The following CHL1 variants were observed in gnomAD, a reference collection of about 807,000 sequenced individuals.
The protein encoded by CHL1 is neural cell adhesion molecule L1-like protein.
Under a neutral mutation model 141.9 loss-of-function variants are expected in CHL1, and 96 were observed. That is an observed-to-expected ratio of 0.68 (90% CI 0.57 to 0.80). The LOEUF (loss-of-function observed/expected upper bound fraction) is 0.80. CHL1 is among the 30% of genes least tolerant of loss of function. The pLI, the probability that CHL1 is intolerant of heterozygous loss-of-function variation, is 0.00. For missense variants in CHL1, 1,820 were observed against 1,457.2 expected (o/e 1.25, Z -4.05); for synonymous variants, 613 against 502.2 (o/e 1.22, Z -2.95).
At chr3:254,448 T>A (rs113224884) in intron 2 of CHL1, among the ~76,000 whole-genome samples, 81 of 152,318 alleles carry the variant, frequency 5.3e-4, no homozygotes, top group Non-Finnish European at 1.0e-3. Context: ...CAAGGTATGA[T>A]CTGAGAAAGG....
chr3:404,494 T>C (rs1202311406), intron 27 of CHL1, among the ~76,000 whole-genome samples: 1 of 152,152 alleles, frequency 6.6e-6, no homozygotes, highest in Non-Finnish European at 1.5e-5. Flanking sequence ...TAGAAGATCA[T>C]ACCATTTGAT....
At chr3:337,000 G>A (rs73103145) in intron 5 of CHL1, among the ~76,000 whole-genome samples, 1 of 152,028 alleles carries the variant, frequency 6.6e-6, no homozygotes, top group Non-Finnish European at 1.5e-5. Flanking sequence ...CTTGGTGTTA[G>A]TTGTTGCTAG....
chr3:269,579 G>A (rs1015858379), intron 2 of CHL1, among the ~76,000 whole-genome samples: 7 of 152,150 alleles, frequency 4.6e-5, no homozygotes, highest in African/African-American at 1.7e-4. Context: ...AGGCTGGAGT[G>A]CAATGGTATG....
At chr3:251,794 C>T (rs1402313229) in intron 2 of CHL1, among the ~76,000 whole-genome samples, 1 of 152,084 alleles carries the variant, frequency 6.6e-6, no homozygotes, top group Non-Finnish European at 1.5e-5. Flanking sequence ...TTAGAAGTTT[C>T]TATTATCTTA....
At chr3:391,323 T>C (rs1708212189) in intron 22 of CHL1, among the ~76,000 whole-genome samples, 164 bp downstream of exon 22, 1 of 152,128 alleles carries the variant, frequency 6.6e-6, no homozygotes, top group South Asian at 2.1e-4. Flanking sequence ...CCAAACCAGC[T>C]TGGCCAACAT....
chr3:346,954 A>G (rs1702820516), intron 9 of CHL1, among the ~76,000 whole-genome samples: 1 of 151,996 alleles, frequency 6.6e-6, no homozygotes. Flanking sequence ...TAAAATGATT[A>G]TCTATAAGTG....
chr3:233,079 A>G (rs752060583), intron 1 of CHL1, among the ~76,000 whole-genome samples: 18 of 152,034 alleles, frequency 1.2e-4, no homozygotes, highest in Non-Finnish European at 1.5e-4. Flanking sequence ...ATCTGAGGAT[A>G]CAAAGATACC....
intron 2 of CHL1, among the ~76,000 whole-genome samples, chr3:290,192 CTAAA>C (rs1251321418): frequency 1.3e-5 from 2 of 152,110 alleles, no homozygotes; most frequent in East Asian, 3.9e-4. Context: ...ATGAGAAGAA[CTAAA>C]TAGACCATGA....
intron 2 of CHL1, among the ~76,000 whole-genome samples, chr3:273,507 C>T (rs1695821408): frequency 6.6e-6 from 1 of 152,076 alleles, no homozygotes; most frequent in African/African-American, 2.4e-5. Flanking sequence ...GACTTGTTTC[C>T]TCCAGTCCCT....
chr3:246,600 C>T (rs543009125), intron 2 of CHL1: 1 of 152,036 alleles, frequency 6.6e-6, no homozygotes, highest in African/African-American at 2.4e-5. Flanking sequence ...TCCCAGAATA[C>T]CCAACCTCTC....
chr3:238,313 T>C (rs1457468008), intron 1 of CHL1, among the ~76,000 whole-genome samples: 5 of 152,044 alleles, frequency 3.3e-5, no homozygotes, highest in Admixed American at 3.3e-4. Flanking sequence ...GACCTAAATA[T>C]TGACTAAAAG....
intron 2 of CHL1, among the ~76,000 whole-genome samples, chr3:256,435 T>C (rs1308377440): frequency 6.6e-6 from 1 of 152,190 alleles, no homozygotes; most frequent in Non-Finnish European, 1.5e-5. Flanking sequence ...GTACCTTTGG[T>C]TTGGACCAGA....
Position 391,045 on chromosome 3 carries a change from G to A in CHL1, c.2677G>A (p.Gly893Arg). ...ILRFSGQRNS[G>R]MVPSLDAFSE... Reference sequence around the variant, plus strand: ...AAGATTTTCAGGACAAAGAAACTCTGGAATGGTTCCTTCCTTAGATGCCTT... The same window carrying A: ...AAGATTTTCAGGACAAAGAAACTCTAGAATGGTTCCTTCCTTAGATGCCTT... Residue 893 changes from glycine (G) to arginine (R), a missense_variant, in exon 22 of 28, where the codon GGA becomes AGA. Gly to Arg is a moderately radical substitution (Grantham distance 125). Coordinates refer to ENST00000256509, the MANE Select transcript of CHL1 (RefSeq NM_006614.4). 1 of 1,613,616 alleles carries A rather than the reference G, an allele frequency of 6.2e-7. No individual in the cohort carries two copies. The highest frequency in any genetic ancestry group is 1.1e-5 in the South Asian group (1 of 91,068).
intron 2 of CHL1, among the ~76,000 whole-genome samples, chr3:278,763 G>C (rs1037445353): frequency 6.6e-6 from 1 of 152,214 alleles, no homozygotes; most frequent in Non-Finnish European, 1.5e-5. Context: ...CTGCTATTCA[G>C]TAAAGGTGGT....
Position 295,935 on chromosome 3 carries a change from C to T in CHL1, c.-94-23748C>T, listed in dbSNP as rs1428507777. The stretch of plus-strand genomic sequence containing the variant: ...AAGTCTAAGTCTCTCATTTTGAATT[C>T]GGAAGAGAGAACCTTGGTGCCCCTT... On this transcript the variant is annotated intron_variant, in intron 2 of 27. Transcript: ENST00000256509. Among the ~76,000 whole-genome samples the T allele has an allele frequency of 5.3e-5, 8 of 152,182 alleles. No homozygotes were observed. The South Asian group carries it at 6.2e-4, about 12-fold the overall frequency.
intron 2 of CHL1, among the ~76,000 whole-genome samples, chr3:245,735 G>C (rs1168064042): frequency 6.6e-6 from 1 of 152,034 alleles, no homozygotes; most frequent in Non-Finnish European, 1.5e-5. Flanking sequence ...AGAAAATCTT[G>C]GCTTTATGGG....
At chr3:307,455 T>C (rs1162708494) in intron 2 of CHL1, among the ~76,000 whole-genome samples, 3 of 152,188 alleles carry the variant, frequency 2.0e-5, no homozygotes, top group African/African-American at 7.2e-5. Flanking sequence ...TGAGATAATA[T>C]TCTAGCTGCA....
chr3:361,593 C>T lies in CHL1; in HGVS notation c.1307-106C>T. The T allele has an allele frequency of 8.5e-6, 6 of 709,094 alleles. No individual in the cohort carries two copies. The South Asian group carries it at 1.0e-4, about 12-fold the overall frequency. 43.9% of individuals were successfully genotyped at this position (709,094 alleles called of 1,614,324 possible). A position where few individuals can be genotyped will look rare whatever the true frequency, so the allele number is the denominator to read the frequency against. On this transcript the variant is annotated intron_variant, in intron 12 of 27. Coordinates refer to ENST00000256509, the MANE Select transcript of CHL1 (RefSeq NM_006614.4). Reference sequence around the variant, plus strand: ...AATTCAAAACAGACACCATAATATTCTGCTGTTTTCTGTTTGTATTCGTAT... The same window carrying T: ...AATTCAAAACAGACACCATAATATTTTGCTGTTTTCTGTTTGTATTCGTAT...
At chr3:197,997 G>A in intron 1 of CHL1, 1 of 356,348 alleles carries the variant, frequency 2.8e-6, no homozygotes, top group South Asian at 2.1e-5. Flanking sequence ...CCACTCTCCG[G>A]GCTCGCTGCG....
Sources: gnomAD v4.1 joint callset for allele counts (sites outside exome capture counted in the v4.1 genomes callset) on GRCh38, gnomAD v4.1.1 for gene constraint, MANE v1.5 for transcripts, NCBI Gene and HGNC (gene_info 2026-07-23, HGNC 2026-07-21) for gene names.